The following PGAP4 variants were observed in gnomAD, a reference collection of about 807,000 sequenced individuals.
The protein encoded by PGAP4 is post-GPI attachment to proteins GalNAc transferase 4.
A neutral mutation model predicts 28.2 loss-of-function variants in PGAP4; 12 were observed. The observed-to-expected ratio is 0.42, with a 90% CI of 0.27 to 0.69. The LOEUF is 0.69. PGAP4 is among the 30% of genes least tolerant of loss of function. The pLI, the probability that PGAP4 is intolerant of heterozygous loss-of-function variation, is 0.22. For missense variants in PGAP4, 425 were observed against 513.5 expected (o/e 0.83, Z 1.67); for synonymous variants, 205 against 211.8 (o/e 0.97, Z 0.28).
intron 2 of PGAP4, among the ~76,000 whole-genome samples, chr9:101,508,347 A>T (rs1826867578): frequency 6.6e-6 from 1 of 152,082 alleles, no homozygotes; most frequent in Non-Finnish European, 1.5e-5. Context: ...GTAGTTCATA[A>T]CTTCGGAATG....
intron 2 of PGAP4, among the ~76,000 whole-genome samples, chr9:101,505,272 A>G (rs1359371646): frequency 6.6e-6 from 1 of 152,066 alleles, no homozygotes; most frequent in African/African-American, 2.4e-5. Context: ...GAACATTCCA[A>G]ATGGAGAAGA....
At position 101,473,565 on chromosome 9, in the gene PGAP4, G is replaced by C. The variant is rs1322080735; in HGVS notation, c.*2316C>G. The stretch of plus-strand genomic sequence containing the variant: ...CAACTGGCAGAGTTCACTCCATGGG[G>C]AAAAGGCATGTTAGTGTGTAGGTAG... On this transcript the variant is annotated 3_prime_UTR_variant, in exon 2 of 2. Coordinates refer to ENST00000374848, the MANE Select transcript of PGAP4 (RefSeq NM_032342.3). The C allele has an allele frequency of 6.6e-6, 1 of 152,276 alleles. No individual in the cohort carries two copies. Among genetic ancestry groups the C allele is most frequent in the Non-Finnish European group, 1.5e-5 (1 of 68,070 alleles). 9.4% of individuals were successfully genotyped at this position (152,276 alleles called of 1,614,324 possible). A position where few individuals can be genotyped will look rare whatever the true frequency, so the allele number is the denominator to read the frequency against.
intron 2 of PGAP4, among the ~76,000 whole-genome samples, chr9:101,495,837 A>G (rs1826742486): frequency 6.6e-6 from 1 of 151,230 alleles, no homozygotes; most frequent in African/African-American, 2.4e-5. Flanking sequence ...CAAAAAGGTA[A>G]AAAAACCAAA....
At chr9:101,527,377 T>C (rs1291700571) in intron 2 of PGAP4, among the ~76,000 whole-genome samples, 2 of 152,220 alleles carry the variant, frequency 1.3e-5, no homozygotes, top group African/African-American at 2.4e-5. Context: ...TTTGGCCATA[T>C]GCCTTTGGGC....
chr9:101,502,132 T>C (rs1453378056), intron 2 of PGAP4, among the ~76,000 whole-genome samples: 2 of 152,082 alleles, frequency 1.3e-5, no homozygotes, highest in African/African-American at 2.4e-5. Context: ...GGTAAAATCC[T>C]TGGCTCTACA....
upstream of PGAP4, among the ~76,000 whole-genome samples, chr9:101,490,601 T>C (rs1007031810): frequency 2.6e-5 from 4 of 152,244 alleles, no homozygotes; most frequent in African/African-American, 9.6e-5. Context: ...CATGGACTTG[T>C]TAATGAACTT....
intron 2 of PGAP4, among the ~76,000 whole-genome samples, chr9:101,526,502 A>G (rs566846930): frequency 6.6e-6 from 1 of 151,988 alleles, no homozygotes; most frequent in Admixed American, 6.5e-5. Context: ...CAGGCTGGAG[A>G]GCAGTGGCAT....
chr9:101,502,863 G>T lies in PGAP4; in HGVS notation c.-164-13663C>A, dbSNP rs373603199. Among the ~76,000 whole-genome samples the T allele has an allele frequency of 3.3e-5, 5 of 152,028 alleles. No homozygotes were observed. In the East Asian group the frequency reaches 9.7e-4, roughly 29 times the overall value. On this transcript the variant is annotated intron_variant, in intron 2 of 3. Coordinates refer to the PGAP4 transcript ENST00000374851. ...CACTTCTCATAATCATAATTTTGATGCACTTTGGGCCAAAAGTTCCTTTTT... is the reference window on the plus strand; with the variant it reads ...CACTTCTCATAATCATAATTTTGATTCACTTTGGGCCAAAAGTTCCTTTTT...
chr9:101,494,635 T>C lies in PGAP4; in HGVS notation c.-164-5435A>G, dbSNP rs1351337130. Reference sequence around the variant, plus strand: ...ATTTAGTTCATTGATTTAAAACTTATCAGAAATCTGTGTGAGTACTTATTA... The same window carrying C: ...ATTTAGTTCATTGATTTAAAACTTACCAGAAATCTGTGTGAGTACTTATTA... On this transcript the variant is annotated intron_variant, in intron 2 of 3. Coordinates refer to the PGAP4 transcript ENST00000374851. 2.6e-5 allele frequency among the ~76,000 whole-genome samples: 4 copies of C among 151,812 alleles called. No individual in the cohort carries two copies. In the East Asian group the frequency reaches 5.8e-4, roughly 22 times the overall value.
At chr9:101,495,681 T>A (rs1488239160) in intron 2 of PGAP4, among the ~76,000 whole-genome samples, 3 of 149,222 alleles carry the variant, frequency 2.0e-5, no homozygotes, top group African/African-American at 7.3e-5. Flanking sequence ...AAAAATAGAG[T>A]TTTAAAGGGG....
At chr9:101,481,140 C>T (rs115568248) in intron 1 of PGAP4, among the ~76,000 whole-genome samples, 5,240 of 152,206 alleles carry the variant, frequency 0.034, 274 homozygotes, top group African/African-American at 0.11. Flanking sequence ...ATCGCACCAC[C>T]GCACTCCAGC....
At position 101,527,378 on chromosome 9, in the gene PGAP4, G is replaced by T. The variant is rs78230308; in HGVS notation, c.-165+3970C>A. ...TCCTTTTAACTGAATTTGGCCATAT[G>T]CCTTTGGGCACCAGAAATTCATATC... On this transcript the variant is annotated intron_variant, in intron 2 of 3. Transcript: ENST00000374851. Among the ~76,000 whole-genome samples, 618 of 152,266 alleles carry T rather than the reference G, an allele frequency of 4.1e-3. 1 individual carries two copies. Among genetic ancestry groups the T allele is most frequent in the Non-Finnish European group, 7.0e-3 (474 of 68,022 alleles).
chr9:101,511,556 A>G (rs1238229384), intron 2 of PGAP4, among the ~76,000 whole-genome samples: 1 of 152,150 alleles, frequency 6.6e-6, no homozygotes, highest in Non-Finnish European at 1.5e-5. Flanking sequence ...AGAGGGTTAT[A>G]TGGTGTTCCC....
At chr9:101,506,385 C>G (rs774450146) in intron 2 of PGAP4, among the ~76,000 whole-genome samples, 5 of 152,060 alleles carry the variant, frequency 3.3e-5, no homozygotes, top group African/African-American at 9.7e-5. Context: ...AAATCAAATT[C>G]AAGAAGAATT....
chr9:101,481,275 GGGAA>G (rs1376421444), intron 1 of PGAP4: 42 of 152,180 alleles, frequency 2.8e-4, no homozygotes, highest in Admixed American at 2.6e-3. Context: ...TGCTAGTTTG[GGGAA>G]GGAGTTTTTT....
intron 1 of PGAP4, among the ~76,000 whole-genome samples, chr9:101,478,957 T>C (rs938085756): frequency 2.0e-5 from 3 of 152,186 alleles, no homozygotes; most frequent in Admixed American, 2.0e-4. Flanking sequence ...TACAGTGACA[T>C]GGTTAATTTC....
At chr9:101,498,629 AT>A (rs1327228635) in intron 2 of PGAP4, among the ~76,000 whole-genome samples, 3 of 152,016 alleles carry the variant, frequency 2.0e-5, no homozygotes, top group Admixed American at 6.6e-5. Flanking sequence ...AGAACTTAAA[AT>A]ACTACATGTT....
chr9:101,490,238 G>A (rs1249686566), upstream of PGAP4, among the ~76,000 whole-genome samples: 1 of 152,082 alleles, frequency 6.6e-6, no homozygotes, highest in African/African-American at 2.4e-5. Context: ...CGCCGAGGCT[G>A]GAGTGCAGTG....
intron 2 of PGAP4, among the ~76,000 whole-genome samples, chr9:101,499,824 A>G (rs1488169089): frequency 3.3e-5 from 5 of 152,034 alleles, no homozygotes; most frequent in Non-Finnish European, 7.4e-5. Context: ...TTGTGTGTGC[A>G]TGAGGGGGTG....
Sources: allele counts gnomAD v4.1 joint callset (sites outside exome capture counted in the v4.1 genomes callset), GRCh38; gene constraint gnomAD v4.1.1; transcripts MANE v1.5; gene names NCBI Gene and HGNC (gene_info 2026-07-23, HGNC 2026-07-21).